The following ESR1 variants were observed in gnomAD, a reference collection of about 807,000 sequenced individuals.
ESR1 encodes the protein estrogen receptor 1, also known as estrogen receptor.
A neutral mutation model predicts 52.7 loss-of-function variants in ESR1; 12 were observed. The observed-to-expected ratio is 0.23, with a 90% confidence interval of 0.15 to 0.37. ESR1 has a LOEUF of 0.37. Ranked by LOEUF, ESR1 falls within the 10% of genes least tolerant of loss-of-function variation. The pLI, the probability that ESR1 is intolerant of heterozygous loss-of-function variation, is 1.00. For missense variants in ESR1, 584 were observed against 779.7 expected, an observed-to-expected ratio of 0.75 and a Z score of 2.99; for synonymous variants, 305 against 316.8, an observed-to-expected ratio of 0.96 and a Z score of 0.39.
chr6:152,022,815 T>TAC (rs112714881), intron 5 of ESR1, among the ~76,000 whole-genome samples: 66,005 of 150,600 alleles, frequency 0.44, 16,308 homozygotes, highest in African/African-American at 0.67. Context: ...CTACTAAAAA[T>TAC]AAAAATTAAA....
intron 6 of ESR1, among the ~76,000 whole-genome samples, chr6:152,123,131 C>T (rs1287486009): frequency 6.6e-6 from 1 of 152,176 alleles, no homozygotes; most frequent in South Asian, 2.1e-4. Flanking sequence ...ATCTAGCCAT[C>T]CTGGATATGC....
At chr6:151,794,328 T>C (rs1004020469) in intron 2 of ESR1, among the ~76,000 whole-genome samples, 1 of 152,192 alleles carries the variant, frequency 6.6e-6, no homozygotes. Flanking sequence ...GACTAAAAGA[T>C]AAAGTTAAGA....
intron 1 of ESR1, among the ~76,000 whole-genome samples, chr6:151,684,857 G>A (rs1165073199): frequency 6.6e-6 from 1 of 152,146 alleles, no homozygotes; most frequent in African/African-American, 2.4e-5. Context: ...GCACCCATAG[G>A]CAGGACCCTC....
chr6:152,015,324 A>G (rs1191827680), intron 5 of ESR1, among the ~76,000 whole-genome samples: 3 of 152,152 alleles, frequency 2.0e-5, no homozygotes, highest in Non-Finnish European at 2.9e-5. Flanking sequence ...TTTTTATAAA[A>G]TCTTCCTTCA....
At chr6:151,665,606 T>C (rs1777794579) in intron 1 of ESR1, among the ~76,000 whole-genome samples, 1 of 152,104 alleles carries the variant, frequency 6.6e-6, no homozygotes, top group South Asian at 2.1e-4. Context: ...AGCTTCTGTT[T>C]CTTTTCTTTT....
chr6:152,095,977 C>T (rs1215412167), intron 7 of ESR1, among the ~76,000 whole-genome samples: 2 of 152,214 alleles, frequency 1.3e-5, no homozygotes, highest in African/African-American at 4.8e-5. Context: ...TGAAAGTGGT[C>T]TCATTTCCAT....
chr6:151,925,951 C>T (rs1215949756), intron 3 of ESR1, among the ~76,000 whole-genome samples: 1 of 152,010 alleles, frequency 6.6e-6, no homozygotes, highest in East Asian at 1.9e-4. Flanking sequence ...ATGTTTAGAT[C>T]AATGATTCAC....
intron 3 of ESR1, among the ~76,000 whole-genome samples, chr6:151,885,021 G>A (rs148068037): frequency 2.5e-4 from 38 of 152,014 alleles, no homozygotes; most frequent in Non-Finnish European, 3.5e-4. Flanking sequence ...CCATGATGGC[G>A]CGGGGGTGGG....
At chr6:151,664,174 C>T (rs2115212793) in intron 1 of ESR1, among the ~76,000 whole-genome samples, 1 of 152,226 alleles carries the variant, frequency 6.6e-6, no homozygotes, top group East Asian at 1.9e-4. Context: ...TTATAGATTC[C>T]ATGGAGAAAA....
At chr6:151,683,587 G>T (rs1778537988) in intron 1 of ESR1, among the ~76,000 whole-genome samples, 1 of 152,252 alleles carries the variant, frequency 6.6e-6, no homozygotes, top group Admixed American at 6.5e-5. Flanking sequence ...AGGAGGCATG[G>T]GAGATACAGA....
At chr6:151,856,632 T>C (rs1232472445) in intron 2 of ESR1, among the ~76,000 whole-genome samples, 23 of 152,158 alleles carry the variant, frequency 1.5e-4, no homozygotes, top group Admixed American at 1.5e-3. Flanking sequence ...TTTCTCCCTA[T>C]ATAATACTTT....
chr6:151,878,226 C>T (rs1792192593), intron 2 of ESR1, among the ~76,000 whole-genome samples: 1 of 152,156 alleles, frequency 6.6e-6, no homozygotes. Context: ...ACACTTTTTG[C>T]TTGCAGTTAG....
At chr6:151,973,884 T>C (rs1217931501) in intron 4 of ESR1, among the ~76,000 whole-genome samples, 7 of 152,308 alleles carry the variant, frequency 4.6e-5, no homozygotes, top group East Asian at 3.9e-4. Context: ...TGTTACTTCA[T>C]GTCAGGTACC....
chr6:151,822,191 A>G (rs1780666868), intron 1 of ESR1, among the ~76,000 whole-genome samples: 1 of 152,204 alleles, frequency 6.6e-6, no homozygotes, highest in African/African-American at 2.4e-5. Flanking sequence ...TGCTGTAAAG[A>G]GATAATGTAG....
intron 3 of ESR1, among the ~76,000 whole-genome samples, chr6:151,929,187 T>C (rs2033224891): frequency 6.6e-6 from 1 of 152,232 alleles, no homozygotes; most frequent in Non-Finnish European, 1.5e-5. Context: ...TGGTTTGGGC[T>C]TGTCTATTTC....
At chr6:151,717,761 A>C (rs1054842859) in intron 2 of ESR1, among the ~76,000 whole-genome samples, 8 of 152,232 alleles carry the variant, frequency 5.3e-5, no homozygotes, top group Non-Finnish European at 1.0e-4. Context: ...ATAATAAATT[A>C]ATGAAATTTA....
chr6:152,110,843 G>A lies in ESR1; in HGVS notation c.851-14423G>A, dbSNP rs563418729. Among the ~76,000 whole-genome samples, 18 of 152,308 alleles carry A rather than the reference G, an allele frequency of 1.2e-4. No homozygotes were observed. The East Asian group carries it at 3.1e-3, about 26-fold the overall frequency. On this transcript the variant is annotated intron_variant, in intron 6 of 6. Coordinates refer to the ESR1 transcript ENST00000427531. ...GTCCATACTCAAATCCTGGAGAAAT[G>A]TGTCCCGGTTGTCTTTCTGGTGGGC...
chr6:152,045,216 T>C (rs1040851578), intron 5 of ESR1, among the ~76,000 whole-genome samples: 1 of 152,160 alleles, frequency 6.6e-6, no homozygotes, highest in Non-Finnish European at 1.5e-5. Context: ...GGGAAGAAGA[T>C]GCAAGAGCAG....
intron 2 of ESR1, among the ~76,000 whole-genome samples, chr6:151,765,485 G>A (rs530805615): frequency 6.6e-6 from 1 of 152,202 alleles, no homozygotes; most frequent in South Asian, 2.1e-4. Flanking sequence ...AATATATTTG[G>A]AATAAAAATT....
Sources: allele counts gnomAD v4.1 joint callset (sites outside exome capture counted in the v4.1 genomes callset), GRCh38; gene constraint gnomAD v4.1.1; transcripts MANE v1.5; gene names NCBI Gene and HGNC (gene_info 2026-07-23, HGNC 2026-07-21).